Variants in NDUFA10 observed in about 807,000 individuals in gnomAD.
The protein encoded by NDUFA10 is NADH dehydrogenase [ubiquinone] 1 alpha subcomplex subunit 10, mitochondrial.
Under a neutral mutation model 47.8 loss-of-function variants are expected in NDUFA10, and 40 were observed. That is an observed-to-expected ratio of 0.84 (90% CI 0.65 to 1.09). The LOEUF is 1.09. Among genes scored for constraint, NDUFA10 ranks in the 50% least tolerant of loss-of-function variants. NDUFA10 has a pLI of 0.00. For synonymous variants in NDUFA10, 183 were observed against 172.2 expected, an observed-to-expected ratio of 1.06 and a Z score of -0.49; for missense variants, 413 against 451.1, an observed-to-expected ratio of 0.92 and a Z score of 0.76.
At chr2:239,951,715 C>T (rs942283547) in intron 4 of NDUFA10, among the ~76,000 whole-genome samples, 1 of 152,280 alleles carries the variant, frequency 6.6e-6, no homozygotes, top group Non-Finnish European at 1.5e-5. Context: ...AACTCTAAAG[C>T]TATCTTCCTT....
chr2:240,014,605 G>T, intron 5 of NDUFA10, 134 bp downstream of exon 5: 1 of 1,403,314 alleles, frequency 7.1e-7, no homozygotes, highest in Non-Finnish European at 1.0e-6. Flanking sequence ...CCTCTCTCAA[G>T]TGGGAACAGG....
In NDUFA10 at chr2:239,960,745, T is replaced by A; in HGVS notation, c.*373A>T. The A allele has an allele frequency of 7.5e-6, 9 of 1,196,176 alleles. No homozygotes were observed. The South Asian group carries it at 1.3e-4, about 18-fold the overall frequency. 74.1% of individuals were successfully genotyped at this position (1,196,176 alleles called of 1,614,324 possible). On this transcript the variant is annotated 3_prime_UTR_variant, in exon 10 of 10. Transcript: ENST00000252711. ...TAGACGTACGATGGGGAAATTCCCA[T>A]GGAAACACTTTTATTTCTGGAAGTC...
intron 4 of NDUFA10, among the ~76,000 whole-genome samples, chr2:239,926,379 A>G (rs959192865): frequency 2.6e-5 from 4 of 152,322 alleles, no homozygotes; most frequent in South Asian, 4.1e-4. Flanking sequence ...CCATGAGACT[A>G]TAATGAAGCT....
At chr2:239,991,508 A>C (rs1696247350) in intron 8 of NDUFA10, among the ~76,000 whole-genome samples, 1 of 152,238 alleles carries the variant, frequency 6.6e-6, no homozygotes, top group Non-Finnish European at 1.5e-5. Context: ...TATTTTTTAA[A>C]AACTCAAGCA....
intron 4 of NDUFA10, 90 bp downstream of exon 4, chr2:240,018,463 T>G: frequency 6.2e-7 from 1 of 1,610,384 alleles, no homozygotes; most frequent in South Asian, 1.1e-5. Context: ...TAACAGACAT[T>G]CATAAACACA....
chr2:239,899,459 G>A lies in NDUFA10; in HGVS notation c.295-4145C>T, dbSNP rs1313891821. ...GGAATGTGGAGGGTTGTGATGGAGG[G>A]GTGTGACGGAGGGGTGTGATGGAGA... On this transcript the variant is annotated intron_variant, in intron 4 of 5. Coordinates refer to the NDUFA10 transcript ENST00000419408. Among the ~76,000 whole-genome samples the A allele has an allele frequency of 4.6e-4, 66 of 142,114 alleles. 4 individuals are homozygous for A. Among genetic ancestry groups the A allele is most frequent in the Middle Eastern group, 4.0e-3 (1 of 248 alleles). The allele number at this position is 142,114 out of a possible 152,430, so 93.2% of individuals were successfully genotyped here.
At chr2:239,921,977 C>T (rs2106368649) in intron 4 of NDUFA10, among the ~76,000 whole-genome samples, 1 of 146,530 alleles carries the variant, frequency 6.8e-6, no homozygotes, top group East Asian at 2.0e-4. Flanking sequence ...TCCTTTCCTC[C>T]TTCTTTCCTT....
At chr2:240,018,292 T>G in intron 4 of NDUFA10, 1 of 1,000,160 alleles carries the variant, frequency 1.0e-6, no homozygotes, top group South Asian at 1.6e-5. Flanking sequence ...GGCTGCACTT[T>G]AAGCTGCGTG....
chr2:239,998,932 T>C (rs761287235), intron 8 of NDUFA10, among the ~76,000 whole-genome samples: 1 of 152,140 alleles, frequency 6.6e-6, no homozygotes, highest in Non-Finnish European at 1.5e-5. Flanking sequence ...TGAACAGAGA[T>C]AGGCAGCTAC....
At chr2:239,912,733 T>C (rs1410988071) in intron 4 of NDUFA10, among the ~76,000 whole-genome samples, 1 of 152,182 alleles carries the variant, frequency 6.6e-6, no homozygotes, top group Non-Finnish European at 1.5e-5. Context: ...CAGGAGCCCA[T>C]TGTGTCACAC....
At chr2:239,998,444 G>T (rs780970389) in intron 8 of NDUFA10, among the ~76,000 whole-genome samples, 3 of 152,164 alleles carry the variant, frequency 2.0e-5, no homozygotes, top group African/African-American at 4.8e-5. Flanking sequence ...CAGCTCTTGC[G>T]CTCTCAGAAA....
At chr2:239,988,584 G>A (rs906529140) in intron 9 of NDUFA10, among the ~76,000 whole-genome samples, 4 of 152,178 alleles carry the variant, frequency 2.6e-5, no homozygotes, top group African/African-American at 4.8e-5. Flanking sequence ...GGAAGCCGCC[G>A]AACAAGCTCA....
chr2:239,974,207 G>A (rs1289225088), intron 9 of NDUFA10, among the ~76,000 whole-genome samples: 2 of 152,180 alleles, frequency 1.3e-5, no homozygotes, highest in South Asian at 2.1e-4. Flanking sequence ...GGGATTACAG[G>A]CGTGAGCCAC....
chr2:240,019,070 A>G (rs1019287069), intron 3 of NDUFA10, among the ~76,000 whole-genome samples: 2 of 152,078 alleles, frequency 1.3e-5, no homozygotes, highest in African/African-American at 4.8e-5. Flanking sequence ...ACACTTGTGC[A>G]GCTCAGAGCA....
intron 8 of NDUFA10, among the ~76,000 whole-genome samples, chr2:240,001,683 C>T (rs533483359): frequency 2.0e-5 from 3 of 152,350 alleles, no homozygotes; most frequent in South Asian, 4.1e-4. Flanking sequence ...CCATCACCTA[C>T]GCATCCCTGT....
At chr2:239,999,941 T>C (rs1696637339) in intron 8 of NDUFA10, among the ~76,000 whole-genome samples, 1 of 152,190 alleles carries the variant, frequency 6.6e-6, no homozygotes, top group Admixed American at 6.5e-5. Flanking sequence ...TACAAGATTC[T>C]AGTGGAGCTG....
At position 239,928,133 on chromosome 2, in the gene NDUFA10, T is replaced by C. The variant is rs12476876; in HGVS notation, c.295-32819A>G. The stretch of plus-strand genomic sequence containing the variant: ...GCACAGCCCCCACCACAAACGCGAG[T>C]AAGGAGCAGAAGGTCTGTACAAAGA... On this transcript the variant is annotated intron_variant, in intron 4 of 5. Transcript: ENST00000419408. This position sits in a 1 kb window ranked among gnomAD's most constrained non-coding sequence, Gnocchi z 4.3. Among the ~76,000 whole-genome samples the C allele has an allele frequency of 0.38, 56,525 of 149,970 alleles. 10,698 individuals are homozygous for C. The highest frequency in any genetic ancestry group is 0.47 in the Middle Eastern group (134 of 284).
At chr2:239,907,977 G>C (rs1408784367) in intron 4 of NDUFA10, among the ~76,000 whole-genome samples, 1 of 152,196 alleles carries the variant, frequency 6.6e-6, no homozygotes, top group African/African-American at 2.4e-5. Flanking sequence ...ATTCACAATA[G>C]CAAAGACTTG....
At chr2:239,995,080 G>T (rs1200185998) in intron 8 of NDUFA10, among the ~76,000 whole-genome samples, 1 of 152,116 alleles carries the variant, frequency 6.6e-6, no homozygotes, top group African/African-American at 2.4e-5. Context: ...TTTGTGACTA[G>T]GTGGGCAACA....
Sources: gnomAD v4.1 joint callset for allele counts (sites outside exome capture counted in the v4.1 genomes callset) on GRCh38, gnomAD v4.1.1 for gene constraint, Gnocchi (gnomAD v3.1) non-coding constraint, MANE v1.5 for transcripts, NCBI Gene and HGNC (gene_info 2026-07-23, HGNC 2026-07-21) for gene names.